Variants in CACNA1C observed in about 807,000 individuals in gnomAD.
CACNA1C encodes the protein voltage-dependent L-type calcium channel subunit alpha-1C.
In CACNA1C, 30 loss-of-function variants were observed where a neutral mutation model predicts 229.0. The observed-to-expected ratio is 0.13, with a 90% CI of 0.10 to 0.18. CACNA1C has a LOEUF of 0.18. Among genes scored for constraint, CACNA1C ranks in the 10% least tolerant of loss-of-function variants. CACNA1C has a pLI of 1.00. For synonymous variants in CACNA1C, 1,114 were observed against 1,132.5 expected (o/e 0.98, Z 0.33); for missense variants, 1,658 against 2,845.0 (o/e 0.58, Z 9.49).
chr12:2,194,935 A>T (rs1206291869), intron 3 of CACNA1C, among the ~76,000 whole-genome samples: 2 of 152,230 alleles, frequency 1.3e-5, no homozygotes, highest in Non-Finnish European at 2.9e-5. Context: ...GGGACACTTT[A>T]TTCCCAAGAG....
At chr12:2,222,735 G>A (rs926934131) in intron 3 of CACNA1C, among the ~76,000 whole-genome samples, 2 of 152,152 alleles carry the variant, frequency 1.3e-5, no homozygotes, top group African/African-American at 4.8e-5. Context: ...GAACATGAGG[G>A]ACAATGAGTT....
At chr12:2,413,175 G>A (rs181766758) in intron 3 of CACNA1C, among the ~76,000 whole-genome samples, 6 of 143,504 alleles carry the variant, frequency 4.2e-5, no homozygotes, top group African/African-American at 1.1e-4. Flanking sequence ...GTACCACCAC[G>A]CCCAGCTAAT....
rs530506455 is a variant in CACNA1C at position 1,978,586 on chromosome 12, G to A, written c.139+7385G>A. On this transcript the variant is annotated intron_variant, in intron 1 of 46. Coordinates refer to the CACNA1C transcript ENST00000682462. The stretch of plus-strand genomic sequence containing the variant: ...CACAGATCTTAAAGTGTTCTGCTCA[G>A]TGAGTTGGCAATAAAACACTCTTAT... Among the ~76,000 whole-genome samples, 13 of 152,214 alleles carry A rather than the reference G, an allele frequency of 8.5e-5. No individual in the cohort carries two copies. The South Asian group carries it at 2.5e-3, about 29-fold the overall frequency.
chr12:2,266,357 G>A (rs747693494), intron 3 of CACNA1C, among the ~76,000 whole-genome samples: 26 of 152,224 alleles, frequency 1.7e-4, no homozygotes, highest in Non-Finnish European at 2.4e-4. Flanking sequence ...ATTAAGCTGA[G>A]CATATTGACC....
In CACNA1C at chr12:2,649,121, G is replaced by A. The variant is rs2094646983; in HGVS notation, c.3945+614G>A. ...AAATTCCTGAAGTCCGTTAAAATTA[G>A]GCTGCAGCCACTGTTCCGCAGCAAG... On this transcript the variant is annotated intron_variant, in intron 31 of 46. Transcript: ENST00000399655. The surrounding 1 kb of genome is among the most constrained non-coding windows in gnomAD (Gnocchi z 4.4). Among the ~76,000 whole-genome samples the A allele has an allele frequency of 6.6e-6, 1 of 152,178 alleles. No individual in the cohort carries two copies. Among genetic ancestry groups the A allele is most frequent in the South Asian group, 2.1e-4 (1 of 4,830 alleles).
chr12:2,183,578 C>A (rs1046784516), intron 3 of CACNA1C, among the ~76,000 whole-genome samples: 1 of 151,366 alleles, frequency 6.6e-6, no homozygotes, highest in Non-Finnish European at 1.5e-5. Context: ...GGGGACAGAC[C>A]CCCCCCCGGC....
At chr12:2,321,367 T>C (rs1469835726) in intron 3 of CACNA1C, among the ~76,000 whole-genome samples, 1 of 151,766 alleles carries the variant, frequency 6.6e-6, no homozygotes, top group Non-Finnish European at 1.5e-5. Context: ...TTAGCCTGGC[T>C]CAGTTCCTTA....
At chr12:2,077,228 TGGG>T (rs2063536875) in intron 1 of CACNA1C, among the ~76,000 whole-genome samples, 1 of 152,254 alleles carries the variant, frequency 6.6e-6, no homozygotes, top group East Asian at 1.9e-4. Flanking sequence ...TGTTTCATAA[TGGG>T]GTATCCCACA....
intron 1 of CACNA1C, among the ~76,000 whole-genome samples, chr12:2,015,310 C>T (rs1185358820): frequency 2.0e-5 from 3 of 152,158 alleles, no homozygotes; most frequent in African/African-American, 7.2e-5. Flanking sequence ...CAAAATAAGA[C>T]TGTGTTAGCT....
chr12:2,433,396 T>A (rs149842891), intron 3 of CACNA1C, among the ~76,000 whole-genome samples: 1,964 of 152,192 alleles, frequency 0.013, 56 homozygotes, highest in African/African-American at 0.045. Context: ...GCTAAGACAA[T>A]AGAAGCCCTG....
At chr12:2,614,099 C>T (rs991421816) in intron 29 of CACNA1C, 1 of 152,148 alleles carries the variant, frequency 6.6e-6, no homozygotes, top group Non-Finnish European at 1.5e-5. Flanking sequence ...CTCCGTCCTC[C>T]GTCTAAAAGA....
chr12:2,293,941 T>TA (rs2093756511), intron 3 of CACNA1C, among the ~76,000 whole-genome samples: 1 of 152,216 alleles, frequency 6.6e-6, no homozygotes, highest in Non-Finnish European at 1.5e-5. Context: ...AGAACTCTTG[T>TA]AATAACTCTA....
chr12:2,369,430 G>A (rs893799894), intron 3 of CACNA1C, among the ~76,000 whole-genome samples: 4 of 134,646 alleles, frequency 3.0e-5, no homozygotes, highest in Admixed American at 8.1e-5. Flanking sequence ...ACAAAGTCTC[G>A]CTCTGTTGCC....
intron 1 of CACNA1C, among the ~76,000 whole-genome samples, chr12:2,026,186 T>C (rs1180201201): frequency 6.6e-6 from 1 of 152,218 alleles, no homozygotes; most frequent in African/African-American, 2.4e-5. Context: ...TCTATTTATT[T>C]GGGTGGGAGA....
At chr12:2,470,066 G>C (rs2099582349) in intron 5 of CACNA1C, among the ~76,000 whole-genome samples, 2 of 152,126 alleles carry the variant, frequency 1.3e-5, no homozygotes, top group South Asian at 4.2e-4. Context: ...ACTAATTCTA[G>C]ACCTGAGGTG....
chr12:2,686,064 G>C (rs185683069), intron 44 of CACNA1C, 102 bp from the exon 45 acceptor site: 7 of 1,014,564 alleles, frequency 6.9e-6, no homozygotes, highest in Admixed American at 1.7e-5. Flanking sequence ...GGAGCGTCTC[G>C]GGCCATAGTT....
At chr12:2,438,350 G>GTGA (rs2099172978) in intron 3 of CACNA1C, among the ~76,000 whole-genome samples, 2 of 149,720 alleles carry the variant, frequency 1.3e-5, no homozygotes, top group Non-Finnish European at 3.0e-5. Flanking sequence ...AATGATGATG[G>GTGA]TGGTGGTAAT....
chr12:2,249,083 G>GGTA (rs1192001838), intron 3 of CACNA1C, among the ~76,000 whole-genome samples: 4 of 152,184 alleles, frequency 2.6e-5, no homozygotes, highest in Non-Finnish European at 4.4e-5. Flanking sequence ...TCAGTAGAGA[G>GGTA]GTAAGGAGGT....
At chr12:2,276,458 A>C (rs1365496584) in intron 3 of CACNA1C, among the ~76,000 whole-genome samples, 1 of 152,248 alleles carries the variant, frequency 6.6e-6, no homozygotes, top group Non-Finnish European at 1.5e-5. Context: ...AAGAGCAGAG[A>C]TGCTTTTGTT....
Sources: gnomAD v4.1 joint callset for allele counts (sites outside exome capture counted in the v4.1 genomes callset) on GRCh38, gnomAD v4.1.1 for gene constraint, Gnocchi (gnomAD v3.1) non-coding constraint, MANE v1.5 for transcripts, NCBI Gene and HGNC (gene_info 2026-07-23, HGNC 2026-07-21) for gene names.